The following RB1 variants were observed in gnomAD, a reference collection of about 807,000 sequenced individuals.
RB1 encodes RB transcriptional corepressor 1, also known as retinoblastoma-associated protein.
Under a neutral mutation model 135.4 loss-of-function variants are expected in RB1, and 18 were observed. The observed-to-expected ratio is 0.13, with a 90% CI of 0.09 to 0.20. The LOEUF is 0.20. RB1 is among the 10% of genes least tolerant of loss of function. The probability of loss-of-function intolerance (pLI) is 1.00; values close to 1 mark genes in which losing one functional copy is unlikely to be tolerated. For missense variants in RB1, 868 were observed against 1,110.0 expected, an observed-to-expected ratio of 0.78 and a Z score of 3.10; for synonymous variants, 365 against 373.2, an observed-to-expected ratio of 0.98 and a Z score of 0.25.
chr13:48,358,159 G>C (rs1038693097), intron 6 of RB1, among the ~76,000 whole-genome samples: 2 of 152,104 alleles, frequency 1.3e-5, no homozygotes, highest in Non-Finnish European at 2.9e-5. Context: ...GCCTCAGCTG[G>C]TTAAGTTCTT....
rs185905703 is a variant in RB1 at position 48,349,377 on chromosome 13, C to T, written c.607+354C>T. Among the ~76,000 whole-genome samples, 334 of 151,734 alleles carry T rather than the reference C, an allele frequency of 2.2e-3. 2 individuals are homozygous for T. Among genetic ancestry groups the T allele is most frequent in the South Asian group, 9.3e-3 (45 of 4,818 alleles). On this transcript the variant is annotated intron_variant, in intron 6 of 26. Coordinates refer to ENST00000267163, the MANE Select transcript of RB1 (RefSeq NM_000321.3). ...TATCTAAAATCCACCCAGGGATAAT[C>T]GGCATTAAAATTACATAATTGGGAT...
At chr13:48,309,302 T>G (rs1425561019) in intron 2 of RB1, among the ~76,000 whole-genome samples, 1 of 152,194 alleles carries the variant, frequency 6.6e-6, no homozygotes, top group African/African-American at 2.4e-5. Context: ...AGAGTATATA[T>G]CTGTTTTTAC....
intron 17 of RB1, among the ~76,000 whole-genome samples, chr13:48,405,549 C>G (rs530237624): frequency 1.1e-4 from 16 of 152,222 alleles, no homozygotes; most frequent in African/African-American, 3.6e-4. Flanking sequence ...TTAACACAGC[C>G]GCTTTATTCA....
chr13:48,394,672 G>A (rs527295331), intron 17 of RB1, among the ~76,000 whole-genome samples: 7 of 152,324 alleles, frequency 4.6e-5, no homozygotes, highest in East Asian at 3.9e-4. Flanking sequence ...CCCTAAATCC[G>A]CTGTAGCCAG....
intron 17 of RB1, among the ~76,000 whole-genome samples, chr13:48,426,041 G>A (rs1207853880): frequency 6.6e-6 from 1 of 152,120 alleles, no homozygotes; most frequent in Non-Finnish European, 1.5e-5. Flanking sequence ...GTGAGTGCAT[G>A]CATAAAGGAT....
chr13:48,439,011 G>A (rs993548291), intron 17 of RB1, among the ~76,000 whole-genome samples: 1 of 152,284 alleles, frequency 6.6e-6, no homozygotes, highest in South Asian at 2.1e-4. Context: ...ACTAATTGTA[G>A]GGGTAAACAG....
intron 6 of RB1, among the ~76,000 whole-genome samples, chr13:48,351,714 C>T (rs1952550320): frequency 6.6e-6 from 1 of 151,622 alleles, no homozygotes; most frequent in South Asian, 2.1e-4. Flanking sequence ...CACTCTGTCA[C>T]CCAGGCTGGA....
At chr13:48,477,484 T>A (rs1171466945) in intron 26 of RB1, 80 bp downstream of exon 26, 2 of 1,184,912 alleles carry the variant, frequency 1.7e-6, no homozygotes, top group East Asian at 4.9e-5. Context: ...TATAAAAGAA[T>A]GTATAATTTC....
chr13:48,316,326 ACACTTTGGGG>A (rs1952181977), intron 2 of RB1, among the ~76,000 whole-genome samples: 1 of 141,770 alleles, frequency 7.1e-6, no homozygotes, highest in Non-Finnish European at 1.5e-5. Context: ...TTCCCGACGG[ACACTTTGGGG>A]CATCTGAGCG....
chr13:48,333,575 T>C (rs1952355764), intron 2 of RB1, among the ~76,000 whole-genome samples: 1 of 152,006 alleles, frequency 6.6e-6, no homozygotes, highest in Non-Finnish European at 1.5e-5. Context: ...TGTCGTTCTT[T>C]GTGTGTGTGT....
intron 17 of RB1, chr13:48,412,479 T>C: frequency 8.7e-7 from 1 of 1,148,218 alleles, no homozygotes; most frequent in South Asian, 1.2e-5. Flanking sequence ...TGCAGTCTCC[T>C]TTGGGATTCA....
intron 2 of RB1, among the ~76,000 whole-genome samples, chr13:48,314,048 GTA>G (rs1194331000): frequency 6.6e-6 from 1 of 152,084 alleles, no homozygotes; most frequent in Non-Finnish European, 1.5e-5. Flanking sequence ...GCGCCTGGCC[GTA>G]TGTTTATTCT....
rs3092901 is a variant in RB1 at position 48,345,245 on chromosome 13, A to G, written c.500+46A>G. 1,593 of 1,572,050 alleles carry G rather than the reference A, an allele frequency of 1.0e-3. 18 individuals are homozygous for G. The African/African-American group carries it at 0.018, about 18-fold the overall frequency. On this transcript the variant is annotated intron_variant, in intron 4 of 26. Transcript: ENST00000267163. ...GGTTTACACTCTGATTTTTTATGTCATTGTTCACAATTAGATTCTGGGAAT... is the reference window on the plus strand; with the variant it reads ...GGTTTACACTCTGATTTTTTATGTCGTTGTTCACAATTAGATTCTGGGAAT...
intron 7 of RB1, 121 bp from the exon 8 acceptor site, chr13:48,362,694 T>C: frequency 9.5e-7 from 1 of 1,048,120 alleles, no homozygotes; most frequent in East Asian, 2.6e-5. Context: ...TAATGAAACC[T>C]AATAAGTAAA....
At chr13:48,430,077 A>G (rs1949114016) in intron 17 of RB1, among the ~76,000 whole-genome samples, 2 of 152,192 alleles carry the variant, frequency 1.3e-5, no homozygotes, top group Non-Finnish European at 2.9e-5. Flanking sequence ...ATTTCTAAGA[A>G]AAAAATCCCC....
At chr13:48,374,209 A>G (rs775173695) in intron 12 of RB1, among the ~76,000 whole-genome samples, 2 of 152,110 alleles carry the variant, frequency 1.3e-5, no homozygotes, top group Non-Finnish European at 2.9e-5. Context: ...CAATAAGTTT[A>G]ATATCTGAAG....
chr13:48,407,170 T>C (rs1222867279), intron 17 of RB1, among the ~76,000 whole-genome samples: 1 of 152,236 alleles, frequency 6.6e-6, no homozygotes, highest in Admixed American at 6.5e-5. Flanking sequence ...CAATTATTTA[T>C]TTTTAAAAAT....
At chr13:48,464,957 ACTTT>A in intron 21 of RB1, 37 bp from the exon 22 acceptor site, 1 of 1,136,270 alleles carries the variant, frequency 8.8e-7, no homozygotes. Context: ...AGTAAATTTT[ACTTT>A]TTTTTTTTTT....
chr13:48,358,394 A>G (rs1287636563), intron 6 of RB1, among the ~76,000 whole-genome samples: 1 of 152,058 alleles, frequency 6.6e-6, no homozygotes, highest in Non-Finnish European at 1.5e-5. Flanking sequence ...TTCACTCTGC[A>G]CTTAATCTGT....
Sources: gnomAD v4.1 joint callset for allele counts (sites outside exome capture counted in the v4.1 genomes callset) on GRCh38, gnomAD v4.1.1 for gene constraint, MANE v1.5 for transcripts, NCBI Gene and HGNC (gene_info 2026-07-23, HGNC 2026-07-21) for gene names.